Variants in BMPR2 observed in about 807,000 individuals in gnomAD.
BMPR2 encodes bone morphogenetic protein receptor type 2, also known as bone morphogenetic protein receptor type-2.
A neutral mutation model predicts 100.8 loss-of-function variants in BMPR2; 29 were observed. The ratio of observed to expected loss-of-function variants is 0.29; its 90% CI spans 0.21 to 0.39. The LOEUF (loss-of-function observed/expected upper bound fraction) is 0.39. Among genes scored for constraint, BMPR2 ranks in the 10% least tolerant of loss-of-function variants. The probability of loss-of-function intolerance (pLI) is 1.00; values close to 1 mark genes in which losing one functional copy is unlikely to be tolerated. For synonymous variants in BMPR2, 382 were observed against 442.3 expected (o/e 0.86, Z 1.71); for missense variants, 1,011 against 1,274.5 (o/e 0.79, Z 3.15).
chr2:202,519,751 A>C (rs752916657), intron 6 of BMPR2, among the ~76,000 whole-genome samples: 2 of 152,238 alleles, frequency 1.3e-5, no homozygotes, highest in Non-Finnish European at 2.9e-5. Context: ...CTTATTAACC[A>C]TAACAATATA....
intron 1 of BMPR2, among the ~76,000 whole-genome samples, chr2:202,448,204 C>T (rs1389945582): frequency 1.3e-5 from 2 of 151,138 alleles, no homozygotes; most frequent in Admixed American, 1.3e-4. Flanking sequence ...AATCCCAGCA[C>T]TTTGGGAGGC....
intron 2 of BMPR2, among the ~76,000 whole-genome samples, chr2:202,465,693 C>T (rs1362051480): frequency 1.3e-5 from 2 of 151,302 alleles, no homozygotes; most frequent in African/African-American, 4.9e-5. Context: ...CCCGTCTCTA[C>T]TAAAAATACA....
chr2:202,554,641 C>T (rs998893039), intron 11 of BMPR2, among the ~76,000 whole-genome samples: 1 of 152,060 alleles, frequency 6.6e-6, no homozygotes, highest in Non-Finnish European at 1.5e-5. Flanking sequence ...AATCTTTGAT[C>T]CTTTATTTGA....
rs142713594 is a variant in BMPR2 at position 202,497,287 on chromosome 2, C to T, written c.419-16432C>T. Among the ~76,000 whole-genome samples the T allele has an allele frequency of 2.0e-3, 304 of 152,360 alleles. 1 individual carries two copies. Among genetic ancestry groups the T allele is most frequent in the African/African-American group, 6.6e-3 (276 of 41,588 alleles). ...TCCCATTGCCAAGCGGTGAGACAAT[C>T]GCTGAGCGGTGAGAGCATCACCTAT... On this transcript the variant is annotated intron_variant, in intron 3 of 12. Transcript: ENST00000374580.
At chr2:202,534,099 T>G (rs1396264887) in intron 9 of BMPR2, among the ~76,000 whole-genome samples, 1 of 151,618 alleles carries the variant, frequency 6.6e-6, no homozygotes, top group Non-Finnish European at 1.5e-5. Flanking sequence ...TTAAAAAGAT[T>G]AATAATGGAG....
intron 1 of BMPR2, among the ~76,000 whole-genome samples, chr2:202,381,816 A>G (rs765068710): frequency 6.6e-6 from 1 of 152,080 alleles, no homozygotes; most frequent in Non-Finnish European, 1.5e-5. Flanking sequence ...ATTGATGTGG[A>G]TGAGTAGTGA....
chr2:202,543,169 T>C (rs1367479023), intron 10 of BMPR2, among the ~76,000 whole-genome samples: 10 of 145,818 alleles, frequency 6.9e-5, no homozygotes, highest in African/African-American at 2.2e-4. Context: ...AGAGCGAGAC[T>C]CTGTCTCAAA....
intron 1 of BMPR2, among the ~76,000 whole-genome samples, chr2:202,379,854 C>CT (rs544064675): frequency 6.6e-6 from 1 of 151,428 alleles, no homozygotes; most frequent in African/African-American, 2.4e-5. Context: ...TTCTTTCTTT[C>CT]TTTCTTTCTT....
chr2:202,492,724 C>A (rs200825883), intron 3 of BMPR2, among the ~76,000 whole-genome samples: 139 of 113,598 alleles, frequency 1.2e-3, no homozygotes, highest in East Asian at 1.5e-3. Flanking sequence ...AAAAAAAAAA[C>A]CAAAAAAAAA....
intron 1 of BMPR2, among the ~76,000 whole-genome samples, chr2:202,402,547 GAATT>G (rs946712101): frequency 1.3e-5 from 2 of 151,554 alleles, no homozygotes; most frequent in African/African-American, 4.8e-5. Flanking sequence ...ACAAAAGAAA[GAATT>G]AATTTAAGCC....
chr2:202,486,283 AC>A (rs1371321828), intron 3 of BMPR2, among the ~76,000 whole-genome samples: 1 of 152,196 alleles, frequency 6.6e-6, no homozygotes, highest in Admixed American at 6.5e-5. Context: ...GAAATTGTCT[AC>A]TTACCTATCA....
chr2:202,499,406 C>T (rs1217995843), intron 3 of BMPR2, among the ~76,000 whole-genome samples: 4 of 152,168 alleles, frequency 2.6e-5, no homozygotes, highest in Non-Finnish European at 1.5e-5. Context: ...CCCTACTGGT[C>T]AGCAAGCCAT....
intron 9 of BMPR2, among the ~76,000 whole-genome samples, chr2:202,541,174 TTCACACC>T: frequency 6.6e-6 from 1 of 152,218 alleles, no homozygotes; most frequent in Non-Finnish European, 1.5e-5. Flanking sequence ...GGCACAGTGG[TTCACACC>T]TGTAATCTCA....
chr2:202,481,168 T>TTTCTCTTCTCTTCTC lies in BMPR2; in HGVS notation c.418+13492_418+13506dup, dbSNP rs71035012. Among the ~76,000 whole-genome samples, 659 of 150,390 alleles carry TTTCTCTTCTCTTCTC rather than the reference T, an allele frequency of 4.4e-3. 5 individuals are homozygous for TTTCTCTTCTCTTCTC. The highest frequency in any genetic ancestry group is 0.01 in the Admixed American group (154 of 15,094). The stretch of plus-strand genomic sequence containing the variant: ...GTTCTTCTTTTTCTTTCTCTTCTCT[T>TTTCTCTTCTCTTCTC]TTCTCTTCTCTTCTCTTCTCTTCTC... On this transcript the variant is annotated intron_variant, in intron 3 of 12. Coordinates refer to ENST00000374580, the MANE Select transcript of BMPR2 (RefSeq NM_001204.7).
intron 1 of BMPR2, among the ~76,000 whole-genome samples, chr2:202,408,782 C>T (rs1447642167): frequency 6.6e-6 from 1 of 152,180 alleles, no homozygotes; most frequent in Non-Finnish European, 1.5e-5. Context: ...GTTTTTATTT[C>T]GCATTCCACT....
At chr2:202,521,503 G>A (rs1330676373) in intron 7 of BMPR2, among the ~76,000 whole-genome samples, 2 of 151,854 alleles carry the variant, frequency 1.3e-5, no homozygotes, top group Non-Finnish European at 2.9e-5. Flanking sequence ...GGAGGTGAAG[G>A]TTCTAGTTAG....
At position 202,556,014 on chromosome 2, in the gene BMPR2, A is replaced by G; in HGVS notation, c.2349A>G (p.Gln783=). ...GCAAGCACAAATCAAACTTGAAACAAGTCGAAACTGGAGTTGCCAAGATGA... is the reference window on the plus strand; with the variant it reads ...GCAAGCACAAATCAAACTTGAAACAGGTCGAAACTGGAGTTGCCAAGATGA... ...FGSKHKSNLK[Q]VETGVAKMNT... The change falls in exon 12 of 13, where the codon CAA becomes CAG. Residue 783 remains glutamine (Q), a synonymous_variant. Transcript: ENST00000374580. The G allele has an allele frequency of 1.9e-6, 3 of 1,614,214 alleles. No individual in the cohort carries two copies. Among genetic ancestry groups the G allele is most frequent in the Non-Finnish European group, 2.5e-6 (3 of 1,180,024 alleles).
intron 11 of BMPR2, among the ~76,000 whole-genome samples, chr2:202,554,113 C>T (rs1158431215): frequency 6.6e-6 from 1 of 152,174 alleles, no homozygotes; most frequent in Non-Finnish European, 1.5e-5. Context: ...CCTTGTATAT[C>T]AGCAAATCAA....
At chr2:202,466,780 TA>T (rs1692331697) in intron 2 of BMPR2, among the ~76,000 whole-genome samples, 1 of 151,354 alleles carries the variant, frequency 6.6e-6, no homozygotes, top group Non-Finnish European at 1.5e-5. Context: ...TAAGTGTTTG[TA>T]GAGATGTGGT....
Sources: allele counts gnomAD v4.1 joint callset (sites outside exome capture counted in the v4.1 genomes callset), GRCh38; gene constraint gnomAD v4.1.1; transcripts MANE v1.5; gene names NCBI Gene and HGNC (gene_info 2026-07-23, HGNC 2026-07-21).